The following GIGYF2 variants were observed in gnomAD, a reference collection of about 807,000 sequenced individuals.
GIGYF2 encodes the protein GRB10 interacting GYF protein 2, also known as GRB10-interacting GYF protein 2.
Under a neutral mutation model 208.1 loss-of-function variants are expected in GIGYF2, and 25 were observed. That is an observed-to-expected ratio of 0.12 (90% CI 0.09 to 0.17). The LOEUF is 0.17. Among genes scored for constraint, GIGYF2 ranks in the 10% least tolerant of loss-of-function variants. The probability of loss-of-function intolerance (pLI) is 1.00; values close to 1 mark genes in which losing one functional copy is unlikely to be tolerated. For missense variants in GIGYF2, 1,302 were observed against 1,579.4 expected (o/e 0.82, Z 2.98); for synonymous variants, 534 against 543.8 (o/e 0.98, Z 0.25).
Position 232,856,702 on chromosome 2 carries a change from A to G in GIGYF2, c.3833-91A>G. The G allele has an allele frequency of 4.7e-6, 4 of 857,162 alleles. No homozygotes were observed. The East Asian group carries it at 7.2e-5, about 15-fold the overall frequency. The allele number at this position is 857,162 out of a possible 1,614,324, so 53.1% of individuals were successfully genotyped here. A position where few individuals can be genotyped will look rare whatever the true frequency, so the allele number is the denominator to read the frequency against. On this transcript the variant is annotated intron_variant, in intron 28 of 28. Coordinates refer to ENST00000373563, the MANE Select transcript of GIGYF2 (RefSeq NM_001103146.3). ...GTGAAACCCTGTCTCACAAACAAAC[A>G]AACACAGACTTACATTCCAGCTCAC...
At chr2:232,785,353 T>G (rs980303373) in intron 8 of GIGYF2, among the ~76,000 whole-genome samples, 5 of 152,150 alleles carry the variant, frequency 3.3e-5, no homozygotes, top group Non-Finnish European at 5.9e-5. Context: ...AAGGCTGCAC[T>G]CAAGGTGTCA....
chr2:232,726,757 A>T (rs972576697), intron 2 of GIGYF2, among the ~76,000 whole-genome samples: 2 of 152,224 alleles, frequency 1.3e-5, no homozygotes, highest in African/African-American at 4.8e-5. Context: ...TGCCCGCTCC[A>T]TACCTCTAGT....
chr2:232,724,753 A>G (rs570610949), intron 2 of GIGYF2: 70 of 152,074 alleles, frequency 4.6e-4, no homozygotes, highest in African/African-American at 1.6e-3. Flanking sequence ...AGCTCTCACT[A>G]TGTTGCGTAG....
chr2:232,834,812 A>T (rs747943289), intron 22 of GIGYF2, among the ~76,000 whole-genome samples: 2 of 148,394 alleles, frequency 1.3e-5, no homozygotes, highest in African/African-American at 5.0e-5. Context: ...GTTCAGATAC[A>T]CTATAGTGTA....
intron 9 of GIGYF2, 125 bp downstream of exon 9, chr2:232,787,454 C>T: frequency 3.5e-6 from 3 of 847,214 alleles, no homozygotes; most frequent in Non-Finnish European, 5.7e-6. Context: ...ATTATTTATG[C>T]TGTCACAGTT....
Position 232,844,443 on chromosome 2 carries a change from A to G in GIGYF2, c.3174A>G (p.Ala1058=), listed in dbSNP as rs374896468. The G allele has an allele frequency of 9.9e-6, 16 of 1,612,996 alleles. No individual in the cohort carries two copies. Among genetic ancestry groups the G allele is most frequent in the Non-Finnish European group, 1.3e-5 (15 of 1,179,038 alleles). Residue 1058 remains alanine (A), a synonymous_variant, in exon 25 of 29, where the codon GCA becomes GCG. Transcript: ENST00000373563. ...SINTGPPNQW[A]SDLVSSIWSN... is the part of the protein sequence containing the mutation. ...ATACTGGTCCTCCTAACCAGTGGGC[A>G]TCTGACCTAGTCAGTAGTATTTGGA...
intron 8 of GIGYF2, among the ~76,000 whole-genome samples, chr2:232,781,964 TGTG>T (rs1335968254): frequency 6.6e-6 from 1 of 152,358 alleles, no homozygotes; most frequent in East Asian, 1.9e-4. Context: ...CTTAATCTCT[TGTG>T]GTTATTATGA....
intron 2 of GIGYF2, among the ~76,000 whole-genome samples, chr2:232,717,648 A>G (rs920517634): frequency 1.3e-5 from 2 of 152,190 alleles, no homozygotes; most frequent in African/African-American, 4.8e-5. Flanking sequence ...AGGCGGTACA[A>G]GAAACATCTG....
At chr2:232,796,807 C>T (rs1700235661) in intron 14 of GIGYF2, among the ~76,000 whole-genome samples, 1 of 152,062 alleles carries the variant, frequency 6.6e-6, no homozygotes, top group Non-Finnish European at 1.5e-5. Context: ...CTGCAGTGAC[C>T]CAAGATCATG....
At chr2:232,760,252 A>G (rs1698696611) in intron 6 of GIGYF2, 1 of 490,664 alleles carries the variant, frequency 2.0e-6, no homozygotes, top group African/African-American at 1.9e-5. Context: ...GGTCTATTGC[A>G]TTATATTATG....
intron 1 of GIGYF2, among the ~76,000 whole-genome samples, chr2:232,699,078 T>A (rs1371812068): frequency 6.6e-6 from 1 of 151,962 alleles, no homozygotes; most frequent in East Asian, 1.9e-4. Flanking sequence ...AAGAAAAAAA[T>A]GAGTCAGGGA....
At chr2:232,827,765 T>A (rs1260298483) in intron 21 of GIGYF2, among the ~76,000 whole-genome samples, 1 of 152,214 alleles carries the variant, frequency 6.6e-6, no homozygotes, top group African/African-American at 2.4e-5. Context: ...AAGACAAAAA[T>A]TTAGATAATA....
intron 8 of GIGYF2, chr2:232,768,234 C>T: frequency 6.2e-7 from 1 of 1,613,942 alleles, no homozygotes; most frequent in Non-Finnish European, 8.5e-7. Flanking sequence ...ATTGTCAATG[C>T]TTTGTCCATT....
Position 232,809,767 on chromosome 2 carries a change from C to G in GIGYF2, c.1854C>G (p.Ala618=). Residue 618 remains alanine (A), a synonymous_variant, in exon 16 of 29, where the codon GCC becomes GCG. Transcript: ENST00000373563. ...TGACCAGGCAGCAAGAACTCACAGC[C>G]TTATACCAGATGCAGCACCTGCAGT... ...ERLTRQQELT[A]LYQMQHLQYQ... 6.2e-7 allele frequency: 1 copy of G among 1,611,622 alleles called. No homozygotes were observed. The highest frequency in any genetic ancestry group is 1.1e-5 in the South Asian group (1 of 91,044).
chr2:232,732,237 G>A (rs76481279), intron 2 of GIGYF2, among the ~76,000 whole-genome samples: 3,426 of 152,248 alleles, frequency 0.023, 134 homozygotes, highest in African/African-American at 0.077. Flanking sequence ...TAGTACTTCA[G>A]GGCTGCTGCA....
At chr2:232,704,063 TG>T (rs1695974705) in intron 2 of GIGYF2, among the ~76,000 whole-genome samples, 1 of 152,170 alleles carries the variant, frequency 6.6e-6, no homozygotes, top group African/African-American at 2.4e-5. Context: ...GGGGGAAATT[TG>T]GCTGGTTGAA....
intron 8 of GIGYF2, among the ~76,000 whole-genome samples, chr2:232,770,631 A>G (rs1436255977): frequency 6.6e-6 from 1 of 151,582 alleles, no homozygotes; most frequent in East Asian, 1.9e-4. Flanking sequence ...GATATGGGAT[A>G]TTTCTGCAAT....
chr2:232,714,944 AC>A (rs1446961307), intron 2 of GIGYF2, among the ~76,000 whole-genome samples: 1 of 151,754 alleles, frequency 6.6e-6, no homozygotes, highest in East Asian at 1.9e-4. Flanking sequence ...TCCACCCTCC[AC>A]CCTCTGAGAG....
chr2:232,802,092 A>C (rs1700416131), intron 14 of GIGYF2, among the ~76,000 whole-genome samples: 1 of 152,168 alleles, frequency 6.6e-6, no homozygotes, highest in Admixed American at 6.5e-5. Flanking sequence ...ATAGAAATGC[A>C]ACTGATTTTT....
Sources: gnomAD v4.1 joint callset for allele counts (sites outside exome capture counted in the v4.1 genomes callset) on GRCh38, gnomAD v4.1.1 for gene constraint, MANE v1.5 for transcripts, NCBI Gene and HGNC (gene_info 2026-07-23, HGNC 2026-07-21) for gene names.